Variants in ZNF112 observed in about 807,000 individuals in gnomAD.
ZNF112 encodes the protein zinc finger protein 112, also known as zinc finger protein 112 (Y14).
In ZNF112, 37 loss-of-function variants were observed where a neutral mutation model predicts 77.7. That is an observed-to-expected ratio of 0.48 (90% CI 0.37 to 0.63). The LOEUF (loss-of-function observed/expected upper bound fraction) is 0.63, where lower values mean the gene tolerates loss of function less well. Among genes scored for constraint, ZNF112 ranks in the 20% least tolerant of loss-of-function variants. ZNF112 has a pLI of 0.00. For synonymous variants in ZNF112, 333 were observed against 363.6 expected, an observed-to-expected ratio of 0.92 and a Z score of 0.96; for missense variants, 950 against 1,077.4, an observed-to-expected ratio of 0.88 and a Z score of 1.66.
intron 1 of ZNF112, among the ~76,000 whole-genome samples, chr19:44,347,314 G>A (rs1195715118): frequency 5.9e-5 from 9 of 151,878 alleles, no homozygotes; most frequent in Non-Finnish European, 1.2e-4. Context: ...CTTGGTTCTT[G>A]CTTTTTATCC....
At position 44,354,630 on chromosome 19, in the gene ZNF112, G is replaced by A. The variant is rs184363658; in HGVS notation, c.-4+1996C>T. ...TGATACCTAATTCCAATTCCACACT[G>A]CAAATCCTTGATGCCAGCTGTCTGT... On this transcript the variant is annotated intron_variant, in intron 1 of 3. Coordinates refer to ENST00000354340, the MANE Select transcript of ZNF112 (RefSeq NM_013380.4). Among the ~76,000 whole-genome samples, 129 of 152,228 alleles carry A rather than the reference G, an allele frequency of 8.5e-4. 1 individual carries two copies. The highest frequency in any genetic ancestry group is 2.9e-3 in the African/African-American group (119 of 41,544).
At chr19:44,343,164 T>C in intron 1 of ZNF112, 1 of 1,454,900 alleles carries the variant, frequency 6.9e-7, no homozygotes, top group Non-Finnish European at 9.4e-7. Context: ...TTGTCATTCT[T>C]TACCCTTGGC....
chr19:44,347,058 A>T lies in ZNF112; in HGVS notation c.-3-6516T>A, dbSNP rs554478909. The stretch of plus-strand genomic sequence containing the variant: ...TCTACATAGAACTGTGGGTTTCTCT[A>T]TTTTTTTCTTTTAATTATATCAGTT... On this transcript the variant is annotated intron_variant, in intron 1 of 3. Coordinates refer to ENST00000354340, the MANE Select transcript of ZNF112 (RefSeq NM_013380.4). Among the ~76,000 whole-genome samples, 33 of 151,948 alleles carry T rather than the reference A, an allele frequency of 2.2e-4. 1 individual carries two copies. The South Asian group carries it at 6.7e-3, about 31-fold the overall frequency.
upstream of ZNF112, among the ~76,000 whole-genome samples, chr19:44,359,315 C>CTTTTTTTTTTTTTTTTTTTTTTTT (rs767955186): frequency 3.6e-5 from 2 of 54,834 alleles, 1 homozygote; most frequent in Non-Finnish European, 6.9e-5. Context: ...TATTAGAGTT[C>CTTTTTTTTTTTTTTTTTTTTTTTT]TTTTTTTTTT....
At chr19:44,359,018 A>G (rs1353779966), upstream of ZNF112, among the ~76,000 whole-genome samples, 2 of 152,164 alleles carry the variant, frequency 1.3e-5, no homozygotes, top group African/African-American at 2.4e-5. Flanking sequence ...TAACACTTGA[A>G]TAACCTATTT....
intron 1 of ZNF112, among the ~76,000 whole-genome samples, chr19:44,350,888 C>T (rs888321687): frequency 1.4e-4 from 21 of 152,130 alleles, no homozygotes; most frequent in African/African-American, 5.1e-4. Flanking sequence ...CAAGAGTCTA[C>T]AGTAATTCTT....
At chr19:44,367,149 C>T in exon 1 of ZNF112, 1 of 456,184 alleles carries the variant, frequency 2.2e-6, no homozygotes, top group Admixed American at 2.3e-5. Context: ...GGGCCGCCGC[C>T]AGGCTAAACG....
In ZNF112 at chr19:44,355,037, ATG is replaced by A. The variant is rs201236522; in HGVS notation, c.-4+1587_-4+1588del. Among the ~76,000 whole-genome samples, 1,308 of 152,138 alleles carry A rather than the reference ATG, an allele frequency of 8.6e-3. 16 individuals carry two copies. Among genetic ancestry groups the A allele is most frequent in the African/African-American group, 0.03 (1,230 of 41,520 alleles). ...AATCAAACGATATTATACTAAGTCG[ATG>A]TTAGAGATTTGCTTTAAAATACTGA... is the stretch of plus-strand genomic sequence containing the variant. On this transcript the variant is annotated intron_variant, in intron 1 of 3. Transcript: ENST00000354340.
At chr19:44,348,757 C>T (rs959600416) in intron 1 of ZNF112, among the ~76,000 whole-genome samples, 3 of 151,868 alleles carry the variant, frequency 2.0e-5, no homozygotes, top group Non-Finnish European at 2.9e-5. Context: ...TTAAATGCAA[C>T]ATATCAAAAT....
chr19:44,344,661 C>T (rs1046216476), intron 1 of ZNF112, among the ~76,000 whole-genome samples: 5 of 152,168 alleles, frequency 3.3e-5, no homozygotes, highest in African/African-American at 1.2e-4. Context: ...GTAGAGGGTG[C>T]ACGGAGTCCT....
rs1284149599 is a variant in ZNF112, at chr19:44,340,456, T to C, written c.84A>G (p.Arg28=). ...TCCTGAAGTTCTCCAGCATCACATC[T>C]CGGTACAGCTTCCTCTGGACAGAGT... is the stretch of plus-strand genomic sequence containing the variant. ...LLDSVQRKLY[R]DVMLENFRNL... Residue 28 remains arginine (R), a synonymous_variant, in exon 2 of 4, where the codon CGA becomes CGG. Coordinates refer to ENST00000354340, the MANE Select transcript of ZNF112 (RefSeq NM_013380.4). 1.9e-6 allele frequency: 3 copies of C among 1,613,940 alleles called. No homozygotes were observed. The South Asian group carries it at 3.3e-5, about 18-fold the overall frequency.
intron 1 of ZNF112, among the ~76,000 whole-genome samples, chr19:44,346,738 G>A (rs1222823634): frequency 5.3e-5 from 8 of 152,228 alleles, no homozygotes; most frequent in East Asian, 1.9e-4. Context: ...CAATCCCTAC[G>A]TTTGGTAATA....
intron 1 of ZNF112, among the ~76,000 whole-genome samples, chr19:44,347,506 T>TTTTTA (rs151128809): frequency 0.017 from 1,678 of 99,872 alleles, 72 homozygotes; most frequent in South Asian, 0.035. Flanking sequence ...TTTTTTTTTT[T>TTTTTA]ACTATTCCAT....
Position 44,336,715 on chromosome 19 carries a change from T to C in ZNF112, c.128A>G (p.His43Arg), listed in dbSNP as rs141381695. 10 of 1,613,830 alleles carry C rather than the reference T, an allele frequency of 6.2e-6. No individual in the cohort carries two copies. In the African/African-American group the frequency reaches 9.3e-5, roughly 15 times the overall value. ...ENFRNLLLVA[H>R]QPFKPDLISQ... Reference sequence around the variant, plus strand: ...TATTAGGTCTGGCTTGAAGGGCTGATGTGCTGTAAAGAAGGAAAGGACAGC... The same window carrying C: ...TATTAGGTCTGGCTTGAAGGGCTGACGTGCTGTAAAGAAGGAAAGGACAGC... Residue 43 changes from histidine to arginine, a missense_variant, in exon 3 of 4, where the codon CAT (histidine) becomes CGT (arginine). His to Arg is a conservative substitution (Grantham distance 29). This residue lies in a region of ZNF112 where 560 missense variants were observed against 557.3 expected (regional missense o/e 1.00). Coordinates refer to ENST00000354340, the MANE Select transcript of ZNF112 (RefSeq NM_013380.4).
chr19:44,329,746 A>G lies in ZNF112; in HGVS notation c.411T>C (p.Val137=). The G allele has an allele frequency of 6.2e-7, 1 of 1,614,050 alleles. No homozygotes were observed. Among genetic ancestry groups the G allele is most frequent in the Non-Finnish European group, 8.5e-7 (1 of 1,179,988 alleles). The part of the protein sequence containing the change: ...LQEQGNSLGQ[V]WAGIPVQISE... ...AAATCTGAACTGGTATTCCTGCCCAAACCTGGCCGAGGGAATTACCTTGTT... is the reference window on the plus strand; with the variant it reads ...AAATCTGAACTGGTATTCCTGCCCAGACCTGGCCGAGGGAATTACCTTGTT... The change falls in exon 4 of 4, where the codon GTT becomes GTC. Residue 137 remains valine, a synonymous_variant. Coordinates refer to ENST00000354340, the MANE Select transcript of ZNF112 (RefSeq NM_013380.4).
chr19:44,330,378 A>G (rs1346163911), intron 3 of ZNF112, among the ~76,000 whole-genome samples: 1 of 152,188 alleles, frequency 6.6e-6, no homozygotes, highest in East Asian at 1.9e-4. Flanking sequence ...GATGCCTCAA[A>G]ATCAGGACTT....
At position 44,327,575 on chromosome 19, in the gene ZNF112, C is replaced by A; in HGVS notation, c.2582G>T (p.Gly861Val). The change falls in exon 4 of 4, where the codon GGT becomes GTT. Residue 861 changes from glycine to valine, a missense_variant. Transcript: ENST00000354340. ...ACCTGAGCTCCAACGGAAACCCTTA[C>A]CACATGCATCACATTTGTATGGTTT... is the stretch of plus-strand genomic sequence containing the variant. ...GEKPYKCDAC[G>V]KGFRWSSGLL... The A allele has an allele frequency of 6.2e-7, 1 of 1,614,102 alleles. No individual in the cohort carries two copies. The highest frequency in any genetic ancestry group is 8.5e-7 in the Non-Finnish European group (1 of 1,179,976).
chr19:44,329,719 A>G lies in ZNF112; in HGVS notation c.438T>C (p.Ser146=), dbSNP rs760950786. 9 of 1,614,092 alleles carry G rather than the reference A, an allele frequency of 5.6e-6. No individual in the cohort carries two copies. In the South Asian group the frequency reaches 8.8e-5, roughly 16 times the overall value. ...QVWAGIPVQI[S]EDKNYIFTHI... is the part of the protein sequence containing the mutation. ...GAGTGAATATATAGTTCTTATCTTCAGAAATCTGAACTGGTATTCCTGCCC... is the reference window on the plus strand; with the variant it reads ...GAGTGAATATATAGTTCTTATCTTCGGAAATCTGAACTGGTATTCCTGCCC... Residue 146 remains serine (S), a synonymous_variant, in exon 4 of 4, where the codon TCT becomes TCC. Transcript: ENST00000354340.
In ZNF112 at chr19:44,327,351, C is replaced by A. The variant is rs1474684166; in HGVS notation, c.*82G>T. The A allele has an allele frequency of 1.7e-6, 2 of 1,166,144 alleles. No individual in the cohort carries two copies. The highest frequency in any genetic ancestry group is 2.4e-6 in the Non-Finnish European group (2 of 842,438). The allele number at this position is 1,166,144 out of a possible 1,614,324, so 72.2% of individuals were successfully genotyped here. On this transcript the variant is annotated 3_prime_UTR_variant, in exon 4 of 4. Transcript: ENST00000354340. ...TATGAATGTTGAAGTTGGGCAGCAA[C>A]ATTACATTTTAATTTTTAAAAATTC...
Sources: allele counts gnomAD v4.1 joint callset (sites outside exome capture counted in the v4.1 genomes callset), GRCh38; gene constraint gnomAD v4.1.1; regional missense constraint gnomAD v4.1.1; transcripts MANE v1.5; gene names NCBI Gene and HGNC (gene_info 2026-07-23, HGNC 2026-07-21).